PANX2: variants seen among roughly 807,000 people sequenced by gnomAD.
The protein encoded by PANX2 is pannexin-2.
In PANX2, 30 loss-of-function variants were observed where a neutral mutation model predicts 38.7. The observed-to-expected ratio is 0.78, with a 90% confidence interval of 0.58 to 1.05. PANX2 has a LOEUF of 1.05. PANX2 is among the 50% of genes least tolerant of loss of function. The pLI, the probability that PANX2 is intolerant of heterozygous loss-of-function variation, is 0.00. For synonymous variants in PANX2, 539 were observed against 472.1 expected, an observed-to-expected ratio of 1.14 and a Z score of -1.84; for missense variants, 880 against 979.3, an observed-to-expected ratio of 0.90 and a Z score of 1.35.
In PANX2 at chr22:50,179,394, G is replaced by A. The variant is rs114455597; in HGVS notation, c.*117G>A. Reference sequence around the variant, plus strand: ...GGCCTGTGCTTCGCCCGCACTGCGCGCATCCCCAACCTCTGTCCGCATGCC... The same window carrying A: ...GGCCTGTGCTTCGCCCGCACTGCGCACATCCCCAACCTCTGTCCGCATGCC... On this transcript the variant is annotated 3_prime_UTR_variant, in exon 3 of 3. Coordinates refer to ENST00000395842, the MANE Select transcript of PANX2 (RefSeq NM_052839.4). 1.1e-3 allele frequency: 977 copies of A among 924,492 alleles called. 10 individuals are homozygous for A. In the African/African-American group the frequency reaches 0.015, roughly 14 times the overall value. 57.3% of individuals were successfully genotyped at this position (924,492 alleles called of 1,614,324 possible). A position where few individuals can be genotyped will look rare whatever the true frequency, so the allele number is the denominator to read the frequency against.
At chr22:50,176,861 C>T (rs1053654979) in intron 1 of PANX2, 78 bp from the exon 2 acceptor site, 25 of 1,396,712 alleles carry the variant, frequency 1.8e-5, no homozygotes, top group African/African-American at 5.8e-5. Context: ...GGCAGGGACG[C>T]GGTCAGGTCC....
chr22:50,178,436 CT>C, intron 2 of PANX2, 34 bp downstream of exon 2: 6 of 1,278,504 alleles, frequency 4.7e-6, no homozygotes, highest in Non-Finnish European at 6.1e-6. Flanking sequence ...GGACGGGGGA[CT>C]GGGGGTGGGA....
intron 1 of PANX2, among the ~76,000 whole-genome samples, chr22:50,176,659 T>C (rs1431056838): frequency 4.6e-5 from 7 of 152,198 alleles, no homozygotes; most frequent in Admixed American, 4.6e-4. Flanking sequence ...TTGTGACATT[T>C]GGAGAGGCGC....
At chr22:50,171,041 G>T (rs2063626969) in intron 1 of PANX2, 85 bp downstream of exon 1, 2 of 660,000 alleles carry the variant, frequency 3.0e-6, no homozygotes, top group Non-Finnish European at 4.6e-6. Flanking sequence ...CGTCCCCGGC[G>T]GCTCCGTCCA....
intron 1 of PANX2, among the ~76,000 whole-genome samples, chr22:50,176,609 C>T (rs969172385): frequency 6.6e-6 from 1 of 152,208 alleles, no homozygotes; most frequent in Non-Finnish European, 1.5e-5. Context: ...CCTGCCTTGG[C>T]CCTCTCTGGG....
In PANX2 at chr22:50,177,966, C is replaced by G. The variant is rs747431874; in HGVS notation, c.1254C>G (p.Ala418=). Residue 418 remains alanine, a synonymous_variant, in exon 2 of 3, where the codon GCC becomes GCG. Transcript: ENST00000395842. ...SANPAEPDGA[A]EPPVVKRPRK... ...ACCCCGCCGAGCCCGACGGCGCCGC[C>G]GAGCCGCCCGTGGTCAAGCGGCCGC... 1.3e-6 allele frequency: 2 copies of G among 1,533,794 alleles called. No homozygotes were observed. Among genetic ancestry groups the G allele is most frequent in the Non-Finnish European group, 1.7e-6 (2 of 1,144,590 alleles).
chr22:50,173,747 G>C (rs2063647743), intron 1 of PANX2, among the ~76,000 whole-genome samples: 1 of 152,240 alleles, frequency 6.6e-6, no homozygotes, highest in Admixed American at 6.5e-5. Flanking sequence ...CCCACTTTCT[G>C]CCTTCTCCGG....
Position 50,179,004 on chromosome 22 carries a change from C to G in PANX2, c.1761C>G (p.Gly587=). 1.2e-6 allele frequency: 2 copies of G among 1,609,836 alleles called. No homozygotes were observed. Among genetic ancestry groups the G allele is most frequent in the Non-Finnish European group, 1.7e-6 (2 of 1,178,336 alleles). ...EPARAGLPSG[G]PFHVRSPPAA... Reference sequence around the variant, plus strand: ...CCCGGGCAGGGCTTCCCTCGGGGGGCCCGTTCCACGTCCGCTCACCTCCCG... The same window carrying G: ...CCCGGGCAGGGCTTCCCTCGGGGGGGCCGTTCCACGTCCGCTCACCTCCCG... Residue 587 remains glycine (G), a synonymous_variant, in exon 3 of 3, where the codon GGC becomes GGG. Coordinates refer to ENST00000395842, the MANE Select transcript of PANX2 (RefSeq NM_052839.4).
Position 50,179,481 on chromosome 22 carries a change from G to A in PANX2, c.*204G>A. 2 of 570,650 alleles carry A rather than the reference G, an allele frequency of 3.5e-6. No homozygotes were observed. The highest frequency in any genetic ancestry group is 6.1e-6 in the Non-Finnish European group (2 of 325,300). 35.3% of individuals were successfully genotyped at this position (570,650 alleles called of 1,614,324 possible). A position where few individuals can be genotyped will look rare whatever the true frequency, so the allele number is the denominator to read the frequency against. On this transcript the variant is annotated 3_prime_UTR_variant, in exon 3 of 3. Transcript: ENST00000395842. ...CGCCCGGACGGCATCGCCAGGCACT[G>A]GCTGGGGTGGGGAAAGGTGGCCCAG...
chr22:50,172,959 C>T (rs1162221648), intron 1 of PANX2, among the ~76,000 whole-genome samples: 13 of 148,234 alleles, frequency 8.8e-5, no homozygotes, highest in East Asian at 2.1e-4. Context: ...TATAGTGGCG[C>T]GATCTCTGCT....
chr22:50,179,205 C>T lies in PANX2; in HGVS notation c.1962C>T (p.Ile654=). 5 of 1,612,748 alleles carry T rather than the reference C, an allele frequency of 3.1e-6. No homozygotes were observed. Among genetic ancestry groups the T allele is most frequent in the African/African-American group, 1.3e-5 (1 of 75,064 alleles). ...AGGACGTGGGGGACCTCATCGCCAT[C>T]CCTGCCCCACAGCAGATCCTCATCG... is the stretch of plus-strand genomic sequence containing the variant. The part of the protein sequence containing the change: ...LPQDVGDLIA[I]PAPQQILIAT... Residue 654 remains isoleucine (I), a synonymous_variant, in exon 3 of 3, where the codon ATC becomes ATT. Coordinates refer to ENST00000395842, the MANE Select transcript of PANX2 (RefSeq NM_052839.4).
intron 1 of PANX2, among the ~76,000 whole-genome samples, chr22:50,171,626 T>G (rs2063632542): frequency 6.6e-6 from 1 of 152,028 alleles, no homozygotes; most frequent in South Asian, 2.1e-4. Context: ...TGGGGGCACT[T>G]GAAGCCACCC....
At chr22:50,171,413 CAG>C (rs1241409171) in intron 1 of PANX2, among the ~76,000 whole-genome samples, 2 of 152,286 alleles carry the variant, frequency 1.3e-5, no homozygotes, top group East Asian at 1.9e-4. Flanking sequence ...GGAAGGAGGG[CAG>C]AGAGAGTCTC....
At position 50,179,428 on chromosome 22, in the gene PANX2, T is replaced by A. The variant is rs2147066150; in HGVS notation, c.*151T>A. 1.4e-6 allele frequency: 1 copy of A among 711,380 alleles called. No homozygotes were observed. Among genetic ancestry groups the A allele is most frequent in the East Asian group, 2.9e-5 (1 of 34,636 alleles). 44.1% of individuals were successfully genotyped at this position (711,380 alleles called of 1,614,324 possible). On this transcript the variant is annotated 3_prime_UTR_variant, in exon 3 of 3. Coordinates refer to ENST00000395842, the MANE Select transcript of PANX2 (RefSeq NM_052839.4). ...ACCTCTGTCCGCATGCCTGGGGCCT[T>A]CGCCCCCACGTGCTCGACAGGGGAA...
rs1270145955 is a variant in PANX2 at position 50,177,673 on chromosome 22, A to G, written c.961A>G (p.Ile321Val). 1.9e-6 allele frequency: 3 copies of G among 1,612,386 alleles called. No individual in the cohort carries two copies. Among genetic ancestry groups the G allele is most frequent in the Admixed American group, 1.7e-5 (1 of 60,032 alleles). Reference sequence around the variant, plus strand: ...CTTCATCTTCCGCAAGAGCAACTTCATCTTCGACAAGCTGCACAAGGTGGG... The same window carrying G: ...CTTCATCTTCCGCAAGAGCAACTTCGTCTTCGACAAGCTGCACAAGGTGGG... ...HLFIFRKSNF[I>V]FDKLHKVGIK... Residue 321 changes from isoleucine (I) to valine (V), a missense_variant, in exon 2 of 3, where the codon ATC (isoleucine) becomes GTC (valine). Coordinates refer to ENST00000395842, the MANE Select transcript of PANX2 (RefSeq NM_052839.4).
At position 50,170,747 on chromosome 22, in the gene PANX2, A is replaced by T. The variant is rs573050562; in HGVS notation, c.17A>T (p.Glu6Val). The T allele has an allele frequency of 7.9e-7, 1 of 1,269,784 alleles. No homozygotes were observed. The highest frequency in any genetic ancestry group is 3.4e-5 in the East Asian group (1 of 29,620). 78.7% of individuals were successfully genotyped at this position (1,269,784 alleles called of 1,614,324 possible). MHHLL[E>V]QSADMATALL... The stretch of plus-strand genomic sequence containing the variant: ...CCGCCCCCCATGCACCACCTCCTGG[A>T]GCAGTCGGCGGACATGGCGACCGCG... The change falls in exon 1 of 3, where the codon GAG becomes GTG. Residue 6 changes from glutamate (E) to valine (V), a missense_variant. By Grantham distance (121) the Glu-to-Val change is moderately radical (BLOSUM62 -2). Transcript: ENST00000395842.
chr22:50,174,386 G>A (rs576848410), intron 1 of PANX2, among the ~76,000 whole-genome samples: 6 of 152,318 alleles, frequency 3.9e-5, no homozygotes, highest in African/African-American at 1.2e-4. Context: ...CGGGTCCTGG[G>A]GACGGCATTC....
rs551592187 is a variant in PANX2 at position 50,177,843 on chromosome 22, C to T, written c.1131C>T (p.Asn377=). 2.5e-6 allele frequency: 4 copies of T among 1,592,204 alleles called. No homozygotes were observed. Among genetic ancestry groups the T allele is most frequent in the Admixed American group, 3.4e-5 (2 of 58,680 alleles). The change falls in exon 2 of 3, where the codon AAC becomes AAT. Residue 377 remains asparagine (N), a synonymous_variant. Coordinates refer to ENST00000395842, the MANE Select transcript of PANX2 (RefSeq NM_052839.4). ...ITNESDLMYD[N]VVRQLLAALA... Reference sequence around the variant, plus strand: ...ACGAGAGCGACCTCATGTACGACAACGTGGTCCGGCAGCTGCTGGCGGCGC... The same window carrying T: ...ACGAGAGCGACCTCATGTACGACAATGTGGTCCGGCAGCTGCTGGCGGCGC...
chr22:50,172,914 T>TTTTTG (rs1569065672), intron 1 of PANX2, among the ~76,000 whole-genome samples: 1 of 145,144 alleles, frequency 6.9e-6, no homozygotes, highest in African/African-American at 2.5e-5. Context: ...TTTTTTTTTT[T>TTTTTG]GAGACAGAGT....
Sources: allele counts gnomAD v4.1 joint callset (sites outside exome capture counted in the v4.1 genomes callset), GRCh38; gene constraint gnomAD v4.1.1; transcripts MANE v1.5; gene names NCBI Gene and HGNC (gene_info 2026-07-23, HGNC 2026-07-21).